LRP1B: variants seen among roughly 807,000 people sequenced by gnomAD.
The protein encoded by LRP1B is LDL receptor related protein 1B.
In LRP1B, 217 loss-of-function variants were observed where a neutral mutation model predicts 556.6. That is an observed-to-expected ratio of 0.39 (90% CI 0.35 to 0.44). The LOEUF (loss-of-function observed/expected upper bound fraction) is 0.44, where lower values mean the gene tolerates loss of function less well. Among genes scored for constraint, LRP1B ranks in the 20% least tolerant of loss-of-function variants. The pLI, the probability that LRP1B is intolerant of heterozygous loss-of-function variation, is 1.00. For synonymous variants in LRP1B, 2,047 were observed against 1,865.8 expected (o/e 1.10, Z -2.50); for missense variants, 5,053 against 5,620.8 (o/e 0.90, Z 3.23).
intron 35 of LRP1B, among the ~76,000 whole-genome samples, chr2:140,738,525 C>G (rs561591759): frequency 6.6e-6 from 1 of 152,112 alleles, no homozygotes; most frequent in Non-Finnish European, 1.5e-5. Flanking sequence ...CCACATTGTC[C>G]CCCGCCAAAG....
intron 41 of LRP1B, among the ~76,000 whole-genome samples, chr2:140,637,341 A>G (rs1684103814): frequency 6.6e-6 from 1 of 152,224 alleles, no homozygotes; most frequent in Non-Finnish European, 1.5e-5. Flanking sequence ...CTTAGTCAAC[A>G]TAACTGGTAA....
intron 7 of LRP1B, among the ~76,000 whole-genome samples, chr2:141,138,521 T>TA (rs1701545379): frequency 1.3e-5 from 2 of 151,366 alleles, no homozygotes; most frequent in South Asian, 4.1e-4. Flanking sequence ...TGGAATCTAC[T>TA]AAAAAGATAC....
At chr2:141,520,079 C>T (rs12613819) in intron 2 of LRP1B, among the ~76,000 whole-genome samples, 7 of 152,080 alleles carry the variant, frequency 4.6e-5, no homozygotes, top group African/African-American at 1.2e-4. Flanking sequence ...GCTGCAACAA[C>T]GAGGCCAGTG....
chr2:141,016,662 G>A (rs927911715), intron 12 of LRP1B, among the ~76,000 whole-genome samples: 1 of 152,070 alleles, frequency 6.6e-6, no homozygotes, highest in East Asian at 1.9e-4. Flanking sequence ...CAGTAGGAGA[G>A]GGGGTCTTGA....
chr2:142,128,377 C>T (rs1397112054), intron 1 of LRP1B, among the ~76,000 whole-genome samples: 2 of 152,120 alleles, frequency 1.3e-5, no homozygotes, highest in Non-Finnish European at 2.9e-5. Flanking sequence ...AATTCACATG[C>T]CTGTTCTGTT....
chr2:140,466,102 T>C (rs935179509), intron 60 of LRP1B, among the ~76,000 whole-genome samples: 1 of 150,460 alleles, frequency 6.6e-6, no homozygotes, highest in Non-Finnish European at 1.5e-5. Flanking sequence ...AAGTATTATT[T>C]CAATTTCCTC....
intron 11 of LRP1B, among the ~76,000 whole-genome samples, chr2:141,024,576 A>T (rs1387017981): frequency 1.3e-5 from 2 of 152,070 alleles, no homozygotes; most frequent in African/African-American, 2.4e-5. Flanking sequence ...CATAGTATGC[A>T]TCATAGTTAC....
At chr2:141,747,140 G>A (rs191441855) in intron 2 of LRP1B, among the ~76,000 whole-genome samples, 2 of 152,242 alleles carry the variant, frequency 1.3e-5, no homozygotes, top group South Asian at 2.1e-4. Context: ...TGACTGGAGA[G>A]AATATTCTTT....
chr2:142,003,613 T>C (rs1226308746), intron 1 of LRP1B, among the ~76,000 whole-genome samples: 3 of 152,294 alleles, frequency 2.0e-5, no homozygotes, highest in African/African-American at 7.2e-5. Context: ...GGAATGTGGC[T>C]GCGATGGCAA....
intron 23 of LRP1B, among the ~76,000 whole-genome samples, chr2:140,896,243 T>G (rs1007790821): frequency 6.6e-6 from 1 of 151,978 alleles, no homozygotes; most frequent in African/African-American, 2.4e-5. Context: ...TATTGAGATA[T>G]GAGAAAACTG....
intron 1 of LRP1B, among the ~76,000 whole-genome samples, chr2:142,050,632 C>A (rs1201492361): frequency 1.3e-5 from 2 of 152,158 alleles, no homozygotes; most frequent in South Asian, 2.1e-4. Flanking sequence ...TAAAATGATT[C>A]ATTTAGCTGA....
At chr2:140,553,698 T>G (rs920304640) in intron 43 of LRP1B, among the ~76,000 whole-genome samples, 1 of 151,992 alleles carries the variant, frequency 6.6e-6, no homozygotes, top group Non-Finnish European at 1.5e-5. Flanking sequence ...ATCAAGGGAC[T>G]CTTAACAAGG....
intron 7 of LRP1B, among the ~76,000 whole-genome samples, chr2:141,145,922 CTTTTTT>C (rs70991144): frequency 4.5e-5 from 3 of 67,206 alleles, no homozygotes; most frequent in African/African-American, 1.9e-4. Context: ...TTCTTTCTTT[CTTTTTT>C]TTTTTTTTTT....
At chr2:141,392,493 AC>A (rs1690090258) in intron 3 of LRP1B, among the ~76,000 whole-genome samples, 1 of 143,944 alleles carries the variant, frequency 6.9e-6, no homozygotes, top group African/African-American at 2.5e-5. Flanking sequence ...AGAGACTGTC[AC>A]TCACTAAAAC....
chr2:141,188,358 A>AC (rs1681353448), intron 7 of LRP1B, 63 bp downstream of exon 7: 1 of 1,472,124 alleles, frequency 6.8e-7, no homozygotes, highest in Non-Finnish European at 9.4e-7. Context: ...CACTTGTCAT[A>AC]CTTCAATCTT....
chr2:141,219,074 A>T (rs1021494116), intron 6 of LRP1B, among the ~76,000 whole-genome samples: 1 of 152,196 alleles, frequency 6.6e-6, no homozygotes, highest in African/African-American at 2.4e-5. Flanking sequence ...AGATCTGTAC[A>T]TCCTGTGGAT....
chr2:140,932,757 T>TA (rs1240636697), intron 20 of LRP1B, among the ~76,000 whole-genome samples: 5 of 151,044 alleles, frequency 3.3e-5, no homozygotes, highest in Non-Finnish European at 5.9e-5. Context: ...CATGCACCTG[T>TA]AGTCCCAGCT....
intron 1 of LRP1B, among the ~76,000 whole-genome samples, chr2:142,045,276 A>G (rs1301290625): frequency 1.3e-5 from 2 of 151,802 alleles, no homozygotes; most frequent in Non-Finnish European, 2.9e-5. Context: ...AATCACTTCT[A>G]TTCCTATCAC....
chr2:141,117,836 T>A (rs557095277), intron 7 of LRP1B, among the ~76,000 whole-genome samples: 1 of 152,118 alleles, frequency 6.6e-6, no homozygotes, highest in Admixed American at 6.5e-5. Flanking sequence ...TAAGATATAT[T>A]ATTTGTTTCT....
Sources: allele counts gnomAD v4.1 joint callset (sites outside exome capture counted in the v4.1 genomes callset), GRCh38; gene constraint gnomAD v4.1.1; transcripts MANE v1.5; gene names NCBI Gene and HGNC (gene_info 2026-07-23, HGNC 2026-07-21).